SHROOM3: variants seen among roughly 807,000 people sequenced by gnomAD.
SHROOM3 encodes the protein shroom family member 3, also known as protein Shroom3.
SHROOM3 carries 47 observed loss-of-function variants against 138.6 expected under a neutral mutation model. That is an observed-to-expected ratio of 0.34 (90% confidence interval 0.27 to 0.43). The LOEUF (loss-of-function observed/expected upper bound fraction) is 0.43, where lower values mean the gene tolerates loss of function less well. SHROOM3 is among the 20% of genes least tolerant of loss of function. The pLI is 1.00. For missense variants in SHROOM3, 2,491 were observed against 2,596.5 expected (o/e 0.96, Z 0.88); for synonymous variants, 1,062 against 1,063.3 (o/e 1.00, Z 0.02).
intron 3 of SHROOM3, among the ~76,000 whole-genome samples, chr4:76,728,342 A>G (rs575296320): frequency 1.2e-4 from 18 of 152,314 alleles, no homozygotes; most frequent in Admixed American, 2.6e-4. Context: ...TTCTCATGAT[A>G]GTGAATAAGT....
intron 1 of SHROOM3, among the ~76,000 whole-genome samples, chr4:76,483,834 C>G (rs1219527094): frequency 1.3e-5 from 2 of 152,104 alleles, no homozygotes; most frequent in Non-Finnish European, 2.9e-5. Flanking sequence ...GAGTTAATGT[C>G]CTTTGCAGGG....
chr4:76,677,917 G>A (rs1038299997), intron 2 of SHROOM3, among the ~76,000 whole-genome samples: 3 of 152,122 alleles, frequency 2.0e-5, no homozygotes, highest in South Asian at 2.1e-4. Context: ...TTCCTCTTGC[G>A]TGAATCTGCT....
intron 1 of SHROOM3, among the ~76,000 whole-genome samples, chr4:76,442,266 C>G (rs968481555): frequency 1.3e-5 from 2 of 152,112 alleles, no homozygotes; most frequent in African/African-American, 4.8e-5. Context: ...TCTTCGTACA[C>G]AGAGAGAAAA....
intron 2 of SHROOM3, among the ~76,000 whole-genome samples, chr4:76,658,089 C>T (rs539016920): frequency 2.0e-5 from 3 of 152,346 alleles, no homozygotes; most frequent in South Asian, 4.1e-4. Flanking sequence ...AAGTGCTCTT[C>T]CATGCATTTT....
chr4:76,491,189 G>T (rs943792956), intron 1 of SHROOM3, among the ~76,000 whole-genome samples: 5 of 152,198 alleles, frequency 3.3e-5, no homozygotes, highest in African/African-American at 1.2e-4. Flanking sequence ...TGAGACATGG[G>T]CACTGACCAG....
Position 76,735,810 on chromosome 4 carries a change from G to A in SHROOM3, c.588-2951G>A, listed in dbSNP as rs146818366. Among the ~76,000 whole-genome samples, 410 of 126,534 alleles carry A rather than the reference G, an allele frequency of 3.2e-3. 2 individuals carry two copies. Among genetic ancestry groups the A allele is most frequent in the African/African-American group, 0.012 (384 of 32,442 alleles). The allele number at this position is 126,534 out of a possible 152,430, so 83.0% of individuals were successfully genotyped here. ...AGCCGAGATTGCGCCACTGCACTCC[G>A]TCCTGGGCGACAGACCGAGACTCTA... On this transcript the variant is annotated intron_variant, in intron 4 of 10. Coordinates refer to ENST00000296043, the MANE Select transcript of SHROOM3 (RefSeq NM_020859.4).
At chr4:76,438,157 G>A (rs923183322) in intron 1 of SHROOM3, among the ~76,000 whole-genome samples, 1 of 152,132 alleles carries the variant, frequency 6.6e-6, no homozygotes, top group Non-Finnish European at 1.5e-5. Flanking sequence ...CAATAATATA[G>A]GAATTTATTT....
chr4:76,598,264 G>C (rs1338100072), intron 2 of SHROOM3, among the ~76,000 whole-genome samples: 1 of 152,060 alleles, frequency 6.6e-6, no homozygotes, highest in African/African-American at 2.4e-5. Context: ...CTGACCTCGT[G>C]ATCAGCCCAC....
At chr4:76,731,039 C>T in intron 4 of SHROOM3, 104 bp downstream of exon 4, 1 of 1,452,370 alleles carries the variant, frequency 6.9e-7, no homozygotes, top group South Asian at 1.1e-5. Flanking sequence ...TTCTTATACT[C>T]ACACTAAATA....
chr4:76,637,990 C>T (rs1735550850), intron 2 of SHROOM3, among the ~76,000 whole-genome samples: 1 of 152,206 alleles, frequency 6.6e-6, no homozygotes, highest in South Asian at 2.1e-4. Flanking sequence ...TCAACACCAC[C>T]CAACACAAAC....
intron 5 of SHROOM3, among the ~76,000 whole-genome samples, chr4:76,747,295 A>C (rs186934588): frequency 6.6e-6 from 1 of 152,156 alleles, no homozygotes; most frequent in African/African-American, 2.4e-5. Flanking sequence ...ACTTCTTACC[A>C]ATTTATAGAA....
At chr4:76,602,377 A>G (rs773306034) in intron 2 of SHROOM3, among the ~76,000 whole-genome samples, 3 of 152,230 alleles carry the variant, frequency 2.0e-5, no homozygotes, top group Non-Finnish European at 4.4e-5. Context: ...ATCTTACAAC[A>G]TATAAAGTTA....
At chr4:76,493,113 C>G (rs547617754) in intron 1 of SHROOM3, among the ~76,000 whole-genome samples, 6 of 149,658 alleles carry the variant, frequency 4.0e-5, no homozygotes, top group African/African-American at 1.5e-4. Flanking sequence ...CTCAGCTACT[C>G]GGGAGGCTGA....
intron 3 of SHROOM3, among the ~76,000 whole-genome samples, chr4:76,720,577 A>G (rs1389129490): frequency 2.0e-5 from 3 of 149,958 alleles, no homozygotes; most frequent in African/African-American, 4.9e-5. Flanking sequence ...CTATTATTCT[A>G]TACTAAAGAA....
chr4:76,648,264 G>A (rs1180573223), intron 2 of SHROOM3, among the ~76,000 whole-genome samples: 2 of 152,186 alleles, frequency 1.3e-5, no homozygotes, highest in African/African-American at 4.8e-5. Flanking sequence ...GGAAGCTGAG[G>A]CTGCAATGAA....
chr4:76,496,206 T>C (rs1402406432), intron 1 of SHROOM3, among the ~76,000 whole-genome samples: 1 of 152,220 alleles, frequency 6.6e-6, no homozygotes, highest in Non-Finnish European at 1.5e-5. Flanking sequence ...GGTGTGCTTC[T>C]GGGGTGAGGA....
chr4:76,783,207 GA>G lies in SHROOM3; in HGVS notation c.*4033del, dbSNP rs1410369104. ...ATAATTTTTAAAATTTAAATAAACA[GA>G]AATTGAAGTTAAATTTAAAAATAAA... On this transcript the variant is annotated 3_prime_UTR_variant, in exon 11 of 11. Coordinates refer to ENST00000296043, the MANE Select transcript of SHROOM3 (RefSeq NM_020859.4). 1 of 152,050 alleles carries G rather than the reference GA, an allele frequency of 6.6e-6. No homozygotes were observed. Among genetic ancestry groups the G allele is most frequent in the Non-Finnish European group, 1.5e-5 (1 of 68,016 alleles). The allele number at this position is 152,050 out of a possible 1,614,324, so 9.4% of individuals were successfully genotyped here. A position where few individuals can be genotyped will look rare whatever the true frequency, so the allele number is the denominator to read the frequency against.
intron 1 of SHROOM3, among the ~76,000 whole-genome samples, chr4:76,498,231 G>A (rs1281073745): frequency 6.6e-6 from 1 of 152,142 alleles, no homozygotes; most frequent in Non-Finnish European, 1.5e-5. Flanking sequence ...CAGTTCCCAG[G>A]GAGTTCACAC....
At chr4:76,669,252 T>C (rs1036061824) in intron 2 of SHROOM3, among the ~76,000 whole-genome samples, 1 of 152,246 alleles carries the variant, frequency 6.6e-6, no homozygotes, top group Non-Finnish European at 1.5e-5. Flanking sequence ...GTTTTATAAC[T>C]CTTTTGTATG....
Sources: allele counts gnomAD v4.1 joint callset (sites outside exome capture counted in the v4.1 genomes callset), GRCh38; gene constraint gnomAD v4.1.1; transcripts MANE v1.5; gene names NCBI Gene and HGNC (gene_info 2026-07-23, HGNC 2026-07-21).